IPO5: variants seen among roughly 807,000 people sequenced by gnomAD.
IPO5 encodes the protein importin 5, also known as importin-5.
In IPO5, 18 loss-of-function variants were observed where a neutral mutation model predicts 143.3. That is an observed-to-expected ratio of 0.13 (90% CI 0.09 to 0.19). The LOEUF is 0.19. Ranked by LOEUF, IPO5 falls within the 10% of genes least tolerant of loss-of-function variation. IPO5 has a pLI of 1.00. For missense variants in IPO5, 1,013 were observed against 1,336.9 expected, an observed-to-expected ratio of 0.76 and a Z score of 3.78; for synonymous variants, 477 against 465.7, an observed-to-expected ratio of 1.02 and a Z score of -0.31.
intron 1 of IPO5, 24 bp downstream of exon 1, chr13:97,953,740 T>C: frequency 3.1e-6 from 1 of 318,460 alleles, no homozygotes; most frequent in Non-Finnish European, 6.3e-6. Flanking sequence ...AAACCTCACA[T>C]TCAGATGAAA....
chr13:97,963,916 G>A (rs970660783), intron 2 of IPO5, among the ~76,000 whole-genome samples: 3 of 152,146 alleles, frequency 2.0e-5, no homozygotes, highest in East Asian at 1.9e-4. Flanking sequence ...ATATCTCATT[G>A]TGGTTTTGAT....
chr13:97,993,458 AGAGTG>A (rs1422825658), intron 11 of IPO5, among the ~76,000 whole-genome samples: 2 of 152,240 alleles, frequency 1.3e-5, no homozygotes, highest in Admixed American at 6.5e-5. Flanking sequence ...TAACATTTCT[AGAGTG>A]GAGTGTGACA....
Position 97,954,574 on chromosome 13 carries a change from G to A in IPO5, c.-113+376G>A, listed in dbSNP as rs552849185. ...AGATCACTAAAGTCAAGTAAATGAA[G>A]GAAAACAGAATTCATTTTCATTATG... On this transcript the variant is annotated intron_variant, in intron 2 of 28. Transcript: ENST00000651721. Among the ~76,000 whole-genome samples the A allele has an allele frequency of 1.2e-4, 19 of 152,186 alleles. No individual in the cohort carries two copies. In the South Asian group the frequency reaches 3.7e-3, roughly 30 times the overall value.
At chr13:98,009,209 G>A (rs1332289178) in intron 18 of IPO5, among the ~76,000 whole-genome samples, 2 of 152,100 alleles carry the variant, frequency 1.3e-5, no homozygotes, top group Non-Finnish European at 2.9e-5. Context: ...TAAGAGGTGG[G>A]GCATGTGTCC....
rs1300157804 is a variant in IPO5 at position 98,009,881 on chromosome 13, A to G, written c.1801A>G (p.Ile601Val). Reference protein sequence around the residue: ...FNDMEDDDPQISYMISAWARM... With the variant: ...FNDMEDDDPQVSYMISAWARM... The stretch of plus-strand genomic sequence containing the variant: ...TTTTAATTTTAAAATTTTTCCCCAG[A>G]TCTCTTACATGATCTCAGCATGGGC... The change falls in exon 19 of 29, where the codon ATC becomes GTC. Residue 601 changes from isoleucine to valine, a missense_variant and splice_region_variant. Around this residue, in one of 2 missense-constraint regions of IPO5, gnomAD observed 685 missense variants for 994.9 expected, o/e 0.69. Coordinates refer to ENST00000651721, the MANE Select transcript of IPO5 (RefSeq NM_002271.6). 2 of 1,592,474 alleles carry G rather than the reference A, an allele frequency of 1.3e-6. No homozygotes were observed. Among genetic ancestry groups the G allele is most frequent in the East Asian group, 2.3e-5 (1 of 44,358 alleles).
chr13:97,990,435 C>G lies in IPO5; in HGVS notation c.567C>G (p.Ile189Met). 6.3e-7 allele frequency: 1 copy of G among 1,589,358 alleles called. No homozygotes were observed. The highest frequency in any genetic ancestry group is 8.6e-7 in the Non-Finnish European group (1 of 1,168,294). ...ACATTTTTTCCTCTTGATTTTAGAT[C>G]AGGACGTTATCTGCTAGAGCTACAG... ...QCMQDQEHPS[I>M]RTLSARATAA... is the part of the protein sequence containing the mutation. Residue 189 changes from isoleucine to methionine, a missense_variant and splice_region_variant, in exon 9 of 29, where the codon ATC (isoleucine) becomes ATG (methionine). Physicochemically the swap from Ile to Met is conservative, Grantham distance 10. Transcript: ENST00000651721.
At chr13:98,011,236 TGTA>T (rs922819142) in intron 20 of IPO5, among the ~76,000 whole-genome samples, 19 of 152,140 alleles carry the variant, frequency 1.2e-4, no homozygotes, top group Non-Finnish European at 2.6e-4. Flanking sequence ...AATCTTTAGA[TGTA>T]GTAGAAGAGA....
intron 22 of IPO5, among the ~76,000 whole-genome samples, chr13:98,015,318 G>GGT (rs1310539256): frequency 2.6e-5 from 4 of 151,282 alleles, no homozygotes; most frequent in Non-Finnish European, 5.9e-5. Flanking sequence ...CTGGCACCTA[G>GGT]GTATGCTCAG....
At chr13:97,969,482 T>C (rs1435907469) in intron 2 of IPO5, among the ~76,000 whole-genome samples, 1 of 151,882 alleles carries the variant, frequency 6.6e-6, no homozygotes, top group Non-Finnish European at 1.5e-5. Flanking sequence ...GCACCCGGCC[T>C]CTGCTAAGTA....
At chr13:98,006,436 A>G (rs665699) in intron 17 of IPO5, 88 bp downstream of exon 17, 16 of 781,482 alleles carry the variant, frequency 2.0e-5, no homozygotes, top group Non-Finnish European at 3.0e-5. Flanking sequence ...GTGCAGTGGC[A>G]CGATCTCGGC....
chr13:98,022,059 A>G lies in IPO5; in HGVS notation c.*237A>G, dbSNP rs1890531427. 1 of 365,364 alleles carries G rather than the reference A, an allele frequency of 2.7e-6. No individual in the cohort carries two copies. Among genetic ancestry groups the G allele is most frequent in the Non-Finnish European group, 5.0e-6 (1 of 201,400 alleles). The allele number at this position is 365,364 out of a possible 1,614,324, so 22.6% of individuals were successfully genotyped here. ...CCTGCGGTAGCTAGCACTGAAGACTATTTTTCTATTGGTATAACCCGCCCA... is the reference window on the plus strand; with the variant it reads ...CCTGCGGTAGCTAGCACTGAAGACTGTTTTTCTATTGGTATAACCCGCCCA... On this transcript the variant is annotated 3_prime_UTR_variant, in exon 29 of 29. Transcript: ENST00000651721.
At chr13:98,012,801 A>ATTTTTTTTTTTTTTTTTTTTTT (rs59658983) in intron 21 of IPO5, among the ~76,000 whole-genome samples, 3 of 109,158 alleles carry the variant, frequency 2.7e-5, no homozygotes, top group African/African-American at 6.8e-5. Context: ...GCTAGATTTG[A>ATTTTTTTTTTTTTTTTTTTTTT]TTTTTTTTTT....
chr13:97,981,134 A>G, intron 4 of IPO5: 1 of 369,130 alleles, frequency 2.7e-6, no homozygotes. Context: ...ACTTTTTGGC[A>G]CAGTTTTCAG....
At chr13:98,001,061 A>C (rs1337542319) in intron 13 of IPO5, 2 of 195,660 alleles carry the variant, frequency 1.0e-5, no homozygotes, top group East Asian at 2.7e-4. Context: ...TGTTGTTGAC[A>C]CAGGATTTCG....
intron 4 of IPO5, among the ~76,000 whole-genome samples, chr13:97,977,398 G>A (rs1402453230): frequency 2.6e-5 from 4 of 152,170 alleles, no homozygotes; most frequent in African/African-American, 4.8e-5. Context: ...CCAGTTTTGT[G>A]AAGTTGCCTT....
chr13:97,964,516 C>T (rs1380748302), intron 2 of IPO5, among the ~76,000 whole-genome samples: 4 of 145,398 alleles, frequency 2.8e-5, no homozygotes, highest in Admixed American at 7.1e-5. Context: ...GGCGCGATCT[C>T]GGCTCACTGC....
In IPO5 at chr13:98,019,645, T is replaced by C; in HGVS notation, c.2901T>C (p.Asn967=). 5 of 1,614,170 alleles carry C rather than the reference T, an allele frequency of 3.1e-6. No individual in the cohort carries two copies. Among genetic ancestry groups the C allele is most frequent in the Non-Finnish European group, 4.2e-6 (5 of 1,179,992 alleles). Residue 967 remains asparagine (N), a synonymous_variant, in exon 27 of 29, where the codon AAT becomes AAC. Transcript: ENST00000651721. ...ATTCTAAGACCAAAGAAAATGTCAA[T>C]GCTACAGAGAACTGCATCTCAGCAG... The part of the protein sequence containing the change: ...SADSKTKENV[N]ATENCISAVG...
chr13:98,003,828 C>T (rs1037542376), intron 16 of IPO5, among the ~76,000 whole-genome samples: 2 of 149,616 alleles, frequency 1.3e-5, no homozygotes, highest in African/African-American at 4.9e-5. Context: ...ACCTGGGCAA[C>T]AAGAGCAAAA....
intron 7 of IPO5, 150 bp downstream of exon 7, chr13:97,989,314 A>T: frequency 4.0e-6 from 2 of 501,116 alleles, no homozygotes; most frequent in Non-Finnish European, 3.5e-6. Context: ...ATTGGAAGCA[A>T]TTTTTTTTAA....
Sources: gnomAD v4.1 joint callset for allele counts (sites outside exome capture counted in the v4.1 genomes callset) on GRCh38, gnomAD v4.1.1 for gene constraint, gnomAD v4.1.1 regional missense constraint, MANE v1.5 for transcripts, NCBI Gene and HGNC (gene_info 2026-07-23, HGNC 2026-07-21) for gene names.